Variants in NOL11 observed in about 807,000 individuals in gnomAD.
NOL11 encodes nucleolar protein 11.
In NOL11, 42 loss-of-function variants were observed where a neutral mutation model predicts 93.0. The ratio of observed to expected loss-of-function variants is 0.45; its 90% CI spans 0.35 to 0.58. The LOEUF (loss-of-function observed/expected upper bound fraction) is 0.58, where lower values mean the gene tolerates loss of function less well. Among genes scored for constraint, NOL11 ranks in the 20% least tolerant of loss-of-function variants. The pLI is 0.00. For synonymous variants in NOL11, 296 were observed against 293.7 expected (o/e 1.01, Z -0.08); for missense variants, 775 against 841.8 (o/e 0.92, Z 0.98).
chr17:67,743,258 A>G, intron 16 of NOL11: 1 of 330,234 alleles, frequency 3.0e-6, no homozygotes, highest in Non-Finnish European at 5.5e-6. Context: ...ACATAGCAAG[A>G]TCCCATCTCT....
At chr17:67,732,449 C>T (rs565103439) in intron 7 of NOL11, among the ~76,000 whole-genome samples, 22 of 149,474 alleles carry the variant, frequency 1.5e-4, no homozygotes, top group Non-Finnish European at 2.5e-4. Context: ...CAAGATCACA[C>T]CACTGCACTC....
chr17:67,739,592 C>T lies in NOL11; in HGVS notation c.1919C>T (p.Pro640Leu). Residue 640 changes from proline (P) to leucine (L), a missense_variant, in exon 16 of 18, where the codon CCA becomes CTA. Pro to Leu is a moderately conservative substitution (Grantham distance 98, BLOSUM62 -3). This residue lies in a region of NOL11 where 416 missense variants were observed against 525.2 expected (regional missense o/e 0.79). Transcript: ENST00000253247. ...NATMTLPGIH[P>L]PTLNQIMDWI... ...ACTATGACTCTTCCTGGAATACACC[C>T]ACCTACCTTGAACCAGGTGAGATTA... The T allele has an allele frequency of 6.3e-7, 1 of 1,588,256 alleles. No individual in the cohort carries two copies. Among genetic ancestry groups the T allele is most frequent in the Non-Finnish European group, 8.6e-7 (1 of 1,164,906 alleles).
intron 1 of NOL11, among the ~76,000 whole-genome samples, chr17:67,718,731 G>GT (rs1012346686): frequency 4.6e-5 from 7 of 152,120 alleles, no homozygotes; most frequent in African/African-American, 1.7e-4. Context: ...ATAGAAAGCA[G>GT]TTACTTTTCT....
Position 67,726,447 on chromosome 17 carries a change from T to C in NOL11, c.665-13T>C. ...TCCTTCAATAACCAACAACAAATGC[T>C]TGTTTCCAACAGGCTCTGATGGTTG... On this transcript the variant is annotated splice_polypyrimidine_tract_variant and intron_variant, in intron 6 of 17. Transcript: ENST00000253247. The C allele has an allele frequency of 6.3e-7, 1 of 1,597,360 alleles. No homozygotes were observed. Among genetic ancestry groups the C allele is most frequent in the Non-Finnish European group, 8.5e-7 (1 of 1,173,612 alleles).
intron 7 of NOL11, 52 bp downstream of exon 7, chr17:67,726,700 G>T: frequency 1.6e-6 from 2 of 1,277,488 alleles, no homozygotes; most frequent in Non-Finnish European, 1.1e-6. Flanking sequence ...CCTTCACGGT[G>T]TACCTTTTAG....
intron 15 of NOL11, 47 bp from the exon 16 acceptor site, chr17:67,739,469 A>AT: frequency 8.2e-7 from 1 of 1,217,808 alleles, no homozygotes; most frequent in Non-Finnish European, 1.2e-6. Context: ...TATAATAGAA[A>AT]TTTTTTCTAT....
chr17:67,727,585 AG>A (rs2055108186), intron 7 of NOL11, among the ~76,000 whole-genome samples: 1 of 151,928 alleles, frequency 6.6e-6, no homozygotes, highest in Non-Finnish European at 1.5e-5. Context: ...TGAACCTGGG[AG>A]GTGGAGGTCG....
At chr17:67,721,589 T>C in intron 4 of NOL11, 63 bp downstream of exon 4, 1 of 1,402,038 alleles carries the variant, frequency 7.1e-7, no homozygotes, top group Non-Finnish European at 1.0e-6. Flanking sequence ...TTTTTTTGCC[T>C]TGTTCAAAAG....
chr17:67,735,788 C>G, intron 8 of NOL11, 112 bp from the exon 9 acceptor site: 1 of 664,434 alleles, frequency 1.5e-6, no homozygotes, highest in South Asian at 4.1e-5. Context: ...AAGTTGCTTA[C>G]TTTGCCTCGT....
chr17:67,719,618 G>C, intron 1 of NOL11, 56 bp from the exon 2 acceptor site: 2 of 896,302 alleles, frequency 2.2e-6, no homozygotes, highest in South Asian at 1.5e-5. Flanking sequence ...AAACTTAATT[G>C]CTTTTAATGT....
intron 14 of NOL11, chr17:67,738,586 CT>C (rs2143136715): frequency 6.2e-6 from 3 of 486,004 alleles, no homozygotes; most frequent in East Asian, 3.3e-5. Flanking sequence ...AGTCCCAGCA[CT>C]TTTTGAGGCC....
intron 6 of NOL11, 39 bp downstream of exon 6, chr17:67,724,232 AG>A: frequency 2.5e-6 from 3 of 1,217,434 alleles, no homozygotes; most frequent in Non-Finnish European, 3.5e-6. Flanking sequence ...GATTATAAAT[AG>A]AGGATTGTTA....
At chr17:67,739,863 C>T (rs927711707) in intron 16 of NOL11, among the ~76,000 whole-genome samples, 3 of 152,166 alleles carry the variant, frequency 2.0e-5, no homozygotes, top group African/African-American at 7.2e-5. Context: ...CTTCCCTTTT[C>T]CAAGAATTTC....
At position 67,724,082 on chromosome 17, in the gene NOL11, A is replaced by G. The variant is rs758701777; in HGVS notation, c.553A>G (p.Asn185Asp). ...TTACTTTGCTTACGTGCAAATGTTT[A>G]ACTCACGTATCTTAACCAAATATAC... ...GNYFAYVQMF[N>D]SRILTKYTLL... Residue 185 changes from asparagine (N) to aspartate (D), a missense_variant, in exon 6 of 18, where the codon AAC (asparagine) becomes GAC (aspartate). By Grantham distance (23) the Asn-to-Asp change is conservative. This residue lies in a region of NOL11 where 359 missense variants were observed against 316.5 expected (regional missense o/e 1.13). Coordinates refer to ENST00000253247, the MANE Select transcript of NOL11 (RefSeq NM_015462.5). 1 of 1,571,540 alleles carries G rather than the reference A, an allele frequency of 6.4e-7. No individual in the cohort carries two copies. Among genetic ancestry groups the G allele is most frequent in the Non-Finnish European group, 8.6e-7 (1 of 1,163,006 alleles).
chr17:67,721,453 C>CCTT lies in NOL11; in HGVS notation c.388_389insCTT (p.Arg130delinsProCys). 1 of 1,613,562 alleles carries CCTT rather than the reference C, an allele frequency of 6.2e-7. No homozygotes were observed. The highest frequency in any genetic ancestry group is 8.5e-7 in the Non-Finnish European group (1 of 1,179,554). On this transcript the variant is annotated protein_altering_variant, in exon 4 of 18. Coordinates refer to ENST00000253247, the MANE Select transcript of NOL11 (RefSeq NM_015462.5). The stretch of plus-strand genomic sequence containing the variant: ...GGTGCTCTTCAAGGAAGGTGCTGTT[C>CCTT]GTGGTTTAGAGGCCTTGCTTGCAGA...
intron 16 of NOL11, 131 bp downstream of exon 16, chr17:67,739,739 A>C: frequency 1.6e-6 from 1 of 612,700 alleles, no homozygotes. Flanking sequence ...TCCTCATAAA[A>C]CCAAACCACT....
chr17:67,738,361 C>T lies in NOL11; in HGVS notation c.1763+6C>T. Reference sequence around the variant, plus strand: ...CAAAAAAGAGCAGCTCTACTGTATCCTTTGACATAGAGCATCCCTCTGTTT... The same window carrying T: ...CAAAAAAGAGCAGCTCTACTGTATCTTTTGACATAGAGCATCCCTCTGTTT... On this transcript the variant is annotated splice_donor_region_variant and intron_variant, in intron 14 of 17. Transcript: ENST00000253247. 6.4e-7 allele frequency: 1 copy of T among 1,573,302 alleles called. No individual in the cohort carries two copies. Among genetic ancestry groups the T allele is most frequent in the Non-Finnish European group, 8.7e-7 (1 of 1,146,826 alleles).
Position 67,735,888 on chromosome 17 carries a change from C to G in NOL11, c.931-12C>G. 6.3e-7 allele frequency: 1 copy of G among 1,596,960 alleles called. No homozygotes were observed. Among genetic ancestry groups the G allele is most frequent in the Non-Finnish European group, 8.5e-7 (1 of 1,173,422 alleles). On this transcript the variant is annotated splice_polypyrimidine_tract_variant and intron_variant, in intron 8 of 17. Coordinates refer to ENST00000253247, the MANE Select transcript of NOL11 (RefSeq NM_015462.5). ...AAAAATTTGCTTATGTTTTTGATAACTTTTTTTGTAGCTCTGGTATTATGG... is the reference window on the plus strand; with the variant it reads ...AAAAATTTGCTTATGTTTTTGATAAGTTTTTTTGTAGCTCTGGTATTATGG...
chr17:67,733,945 G>T (rs533314174), intron 7 of NOL11, among the ~76,000 whole-genome samples: 8 of 148,188 alleles, frequency 5.4e-5, no homozygotes, highest in African/African-American at 1.9e-4. Flanking sequence ...ATATTGCTCT[G>T]TAGTTTTTTT....
Sources: allele counts gnomAD v4.1 joint callset (sites outside exome capture counted in the v4.1 genomes callset), GRCh38; gene constraint gnomAD v4.1.1; regional missense constraint gnomAD v4.1.1; transcripts MANE v1.5; gene names NCBI Gene and HGNC (gene_info 2026-07-23, HGNC 2026-07-21).